KCNQ3: variants seen among roughly 807,000 people sequenced by gnomAD.
The protein encoded by KCNQ3 is potassium voltage-gated channel subfamily KQT member 3.
A neutral mutation model predicts 92.5 loss-of-function variants in KCNQ3; 30 were observed. The observed-to-expected ratio is 0.32, with a 90% CI of 0.24 to 0.44. The LOEUF (loss-of-function observed/expected upper bound fraction) is 0.44. KCNQ3 is among the 20% of genes least tolerant of loss of function. The pLI is 1.00. For synonymous variants in KCNQ3, 450 were observed against 468.8 expected (o/e 0.96, Z 0.52); for missense variants, 913 against 1,140.3 (o/e 0.80, Z 2.87).
intron 1 of KCNQ3, among the ~76,000 whole-genome samples, chr8:132,381,506 T>G (rs1345536507): frequency 6.6e-6 from 1 of 152,170 alleles, no homozygotes; most frequent in Non-Finnish European, 1.5e-5. Flanking sequence ...TGTAGGGAAT[T>G]CTAGAACTGT....
At chr8:132,480,069 G>A (rs1194584780) in intron 1 of KCNQ3, 78 bp downstream of exon 1, 1 of 1,413,962 alleles carries the variant, frequency 7.1e-7, no homozygotes, top group Non-Finnish European at 9.7e-7. Context: ...AAGCCCCAGA[G>A]ACTTCTCAGC....
At chr8:132,302,497 G>A (rs886555889) in intron 1 of KCNQ3, among the ~76,000 whole-genome samples, 17 of 152,342 alleles carry the variant, frequency 1.1e-4, no homozygotes, top group African/African-American at 3.6e-4. Flanking sequence ...GCCACTGCTG[G>A]AACTGGAAGA....
intron 1 of KCNQ3, among the ~76,000 whole-genome samples, chr8:132,465,139 CGGAAGTCACAGCACCTAGTTT>C (rs1822143417): frequency 6.6e-6 from 1 of 152,158 alleles, no homozygotes; most frequent in African/African-American, 2.4e-5. Context: ...CAGCACAGGG[CGGAAGTCACAGCACCTAGTTT>C]ACAACCAAGA....
At chr8:132,474,522 ACTTCTAAGAACTATT>A in intron 1 of KCNQ3, among the ~76,000 whole-genome samples, 1 of 152,282 alleles carries the variant, frequency 6.6e-6, no homozygotes, top group Admixed American at 6.5e-5. Flanking sequence ...CCATTTTTGG[ACTTCTAAGAACTATT>A]CTTATAATTA....
chr8:132,462,236 T>C (rs1208598806), intron 1 of KCNQ3, among the ~76,000 whole-genome samples: 1 of 152,178 alleles, frequency 6.6e-6, no homozygotes, highest in Non-Finnish European at 1.5e-5. Context: ...TCTTGCTTTG[T>C]TGCCCAGGTT....
intron 1 of KCNQ3, among the ~76,000 whole-genome samples, chr8:132,440,110 ATTGT>A (rs1392576751): frequency 2.6e-5 from 4 of 152,110 alleles, no homozygotes; most frequent in Admixed American, 6.5e-5. Context: ...ATTATACTGA[ATTGT>A]TTCTTTTTAA....
At chr8:132,202,052 A>G (rs1827478177) in intron 1 of KCNQ3, among the ~76,000 whole-genome samples, 5 of 152,176 alleles carry the variant, frequency 3.3e-5, no homozygotes, top group Admixed American at 2.0e-4. Flanking sequence ...GGGCTTGCAC[A>G]TTCTGGAGCA....
chr8:132,172,558 G>T, intron 7 of KCNQ3, 40 bp downstream of exon 7: 1 of 1,540,772 alleles, frequency 6.5e-7, no homozygotes, highest in Non-Finnish European at 9.0e-7. Flanking sequence ...CATATGCATG[G>T]ATCTTAATCC....
intron 11 of KCNQ3, among the ~76,000 whole-genome samples, chr8:132,138,878 C>T (rs1249252371): frequency 6.6e-6 from 1 of 152,216 alleles, no homozygotes; most frequent in Non-Finnish European, 1.5e-5. Flanking sequence ...ATCTAATTTG[C>T]TTGCCATCCT....
chr8:132,352,280 T>C (rs140504380), intron 1 of KCNQ3, among the ~76,000 whole-genome samples: 2 of 152,214 alleles, frequency 1.3e-5, no homozygotes, highest in South Asian at 2.1e-4. Flanking sequence ...AGGGATGATC[T>C]TGACCCCCCA....
At chr8:132,413,464 C>T (rs1820709123) in intron 1 of KCNQ3, among the ~76,000 whole-genome samples, 1 of 152,206 alleles carries the variant, frequency 6.6e-6, no homozygotes, top group African/African-American at 2.4e-5. Context: ...ATTAATTCAG[C>T]AGAAGGTTAT....
At chr8:132,186,547 T>A (rs935948082) in intron 1 of KCNQ3, 42 of 366,032 alleles carry the variant, frequency 1.1e-4, no homozygotes, top group African/African-American at 8.7e-4. Flanking sequence ...AATTAATTAA[T>A]AATGTGTTCT....
intron 9 of KCNQ3, among the ~76,000 whole-genome samples, chr8:132,154,184 A>G (rs961045752): frequency 1.3e-5 from 1 of 74,390 alleles, no homozygotes; most frequent in African/African-American, 4.5e-5. Flanking sequence ...TACCATCAAA[A>G]GGGTAAAAGT....
intron 1 of KCNQ3, among the ~76,000 whole-genome samples, chr8:132,444,840 A>T (rs1821632901): frequency 6.6e-6 from 1 of 152,198 alleles, no homozygotes; most frequent in African/African-American, 2.4e-5. Context: ...CTTTTATATA[A>T]AATAAAGAGA....
intron 3 of KCNQ3, 64 bp from the exon 4 acceptor site, chr8:132,180,393 C>T (rs544586498): frequency 7.0e-6 from 11 of 1,575,320 alleles, no homozygotes; most frequent in African/African-American, 4.0e-5. Context: ...AAAGCAATGG[C>T]GTCATCATAG....
intron 1 of KCNQ3, among the ~76,000 whole-genome samples, chr8:132,431,872 A>C (rs1309183657): frequency 6.6e-6 from 1 of 152,164 alleles, no homozygotes; most frequent in African/African-American, 2.4e-5. Context: ...GCACCTGCTG[A>C]ACTCTTTCCA....
chr8:132,216,618 C>T lies in KCNQ3; in HGVS notation c.387-30437G>A, dbSNP rs144552241. Among the ~76,000 whole-genome samples, 1,041 of 152,224 alleles carry T rather than the reference C, an allele frequency of 6.8e-3. 14 individuals carry two copies. The highest frequency in any genetic ancestry group is 0.024 in the African/African-American group (987 of 41,538). ...AAATTTTGATTGCATAGACCCCAGC[C>T]TAGGAGACAAGTACACAAATCATTC... is the stretch of plus-strand genomic sequence containing the variant. On this transcript the variant is annotated intron_variant, in intron 1 of 14. Transcript: ENST00000388996.
At chr8:132,296,188 GA>G (rs1350166186) in intron 1 of KCNQ3, among the ~76,000 whole-genome samples, 3 of 152,326 alleles carry the variant, frequency 2.0e-5, no homozygotes, top group Admixed American at 6.5e-5. Flanking sequence ...GTGCAGAACA[GA>G]ACACTTCCAT....
intron 1 of KCNQ3, among the ~76,000 whole-genome samples, chr8:132,272,155 G>T (rs1816168853): frequency 6.6e-6 from 1 of 152,196 alleles, no homozygotes; most frequent in Non-Finnish European, 1.5e-5. Context: ...TTTTAAATCT[G>T]TAAAATGGAG....
Sources: allele counts gnomAD v4.1 joint callset (sites outside exome capture counted in the v4.1 genomes callset), GRCh38; gene constraint gnomAD v4.1.1; transcripts MANE v1.5; gene names NCBI Gene and HGNC (gene_info 2026-07-23, HGNC 2026-07-21).